Variants in MGRN1 observed in about 807,000 individuals in gnomAD.
MGRN1 encodes E3 ubiquitin-protein ligase MGRN1.
Under a neutral mutation model 69.2 loss-of-function variants are expected in MGRN1, and 29 were observed. The ratio of observed to expected loss-of-function variants is 0.42; its 90% CI spans 0.31 to 0.57. MGRN1 has a LOEUF of 0.57. Among genes scored for constraint, MGRN1 ranks in the 20% least tolerant of loss-of-function variants. The pLI is 0.15. For synonymous variants in MGRN1, 470 were observed against 344.2 expected, an observed-to-expected ratio of 1.37 and a Z score of -4.04; for missense variants, 998 against 796.2, an observed-to-expected ratio of 1.25 and a Z score of -3.05.
chr16:4,632,105 C>G (rs1331318535), intron 1 of MGRN1, among the ~76,000 whole-genome samples: 1 of 145,186 alleles, frequency 6.9e-6, no homozygotes, highest in Admixed American at 7.1e-5. Context: ...ACCTCTGCCT[C>G]GCAGGTTCAA....
rs752094551 is a variant in MGRN1 at position 4,677,535 on chromosome 16, C to G, written c.1028C>G (p.Pro343Arg). The G allele has an allele frequency of 6.3e-7, 1 of 1,599,790 alleles. No homozygotes were observed. The highest frequency in any genetic ancestry group is 1.1e-5 in the South Asian group (1 of 91,048). The change falls in exon 11 of 17, where the codon CCC (proline) becomes CGC (arginine). Residue 343 changes from proline (P) to arginine (R), a missense_variant. Physicochemically the swap from Pro to Arg is moderately radical, Grantham distance 103. Coordinates refer to ENST00000262370, the MANE Select transcript of MGRN1 (RefSeq NM_015246.4). ...PGALSPVSFS[P>R]VLAQSLEHDE... ...GCCCTGTCCCCCGTGTCCTTCAGCC[C>G]CGTCCTGGCCCAGAGCCTGGAGCAT...
rs115998853 is a variant in MGRN1, at chr16:4,664,864, A to C, written c.628+89A>C. 2,652 of 1,540,802 alleles carry C rather than the reference A, an allele frequency of 1.7e-3. 48 individuals are homozygous for C. The African/African-American group carries it at 0.031, about 18-fold the overall frequency. ...GGGAGGAGTGCTTGCAGCAGTGATG[A>C]AGCAGGCCAGGCATAGGGCCTTGGG... On this transcript the variant is annotated intron_variant, in intron 6 of 16. Coordinates refer to ENST00000262370, the MANE Select transcript of MGRN1 (RefSeq NM_015246.4).
rs61573996 is a variant in MGRN1, at chr16:4,657,186, A to C, written c.444-60A>C. The C allele has an allele frequency of 6.6e-3, 9,946 of 1,495,854 alleles. 519 individuals are homozygous for C. In the African/African-American group the frequency reaches 0.12, roughly 17 times the overall value. The allele number at this position is 1,495,854 out of a possible 1,614,324, so 92.7% of individuals were successfully genotyped here. ...CCTTCCAGCTGTCGGAGTGGGAGGG[A>C]CGGGCACGGAGGGCCCTCTTCCTGC... On this transcript the variant is annotated intron_variant, in intron 4 of 16. Coordinates refer to ENST00000262370, the MANE Select transcript of MGRN1 (RefSeq NM_015246.4).
intron 5 of MGRN1, among the ~76,000 whole-genome samples, 170 bp downstream of exon 5, chr16:4,657,533 A>T (rs1453714285): frequency 6.6e-6 from 1 of 152,170 alleles, no homozygotes; most frequent in Non-Finnish European, 1.5e-5. Context: ...GGCGGGAGCA[A>T]GGCCTGGGCC....
chr16:4,630,314 C>T (rs1260542279), intron 1 of MGRN1, among the ~76,000 whole-genome samples: 4 of 148,076 alleles, frequency 2.7e-5, no homozygotes, highest in Admixed American at 6.7e-5. Context: ...GAGATTATGC[C>T]ACTGCACTCC....
At chr16:4,644,557 A>ACC (rs1331960714) in intron 1 of MGRN1, among the ~76,000 whole-genome samples, 10 of 150,790 alleles carry the variant, frequency 6.6e-5, no homozygotes, top group Admixed American at 5.3e-4. Context: ...TGATCCACCC[A>ACC]CCTTGGCCTC....
At chr16:4,677,324 A>C in intron 10 of MGRN1, 139 bp from the exon 11 acceptor site, 2 of 481,402 alleles carry the variant, frequency 4.2e-6, no homozygotes, top group Non-Finnish European at 7.1e-6. Context: ...AAGAAAAAAA[A>C]AAGACCGTTG....
intron 11 of MGRN1, among the ~76,000 whole-genome samples, chr16:4,679,632 G>A (rs887152237): frequency 6.6e-6 from 1 of 152,206 alleles, no homozygotes; most frequent in African/African-American, 2.4e-5. Context: ...CGGTGCCTGG[G>A]CACCGGCTGG....
chr16:4,627,558 C>A (rs186525994), intron 1 of MGRN1, among the ~76,000 whole-genome samples: 1 of 152,130 alleles, frequency 6.6e-6, no homozygotes, highest in Non-Finnish European at 1.5e-5. Context: ...GAGGCCAAGG[C>A]GGGCGGATCA....
At chr16:4,688,631 G>C (rs1337758889) in intron 16 of MGRN1, 165 bp from the exon 17 acceptor site, 1 of 1,404,908 alleles carries the variant, frequency 7.1e-7, no homozygotes, top group Non-Finnish European at 9.3e-7. Context: ...GGGAGTCCCC[G>C]GGCCCTTGGT....
chr16:4,686,196 C>T (rs2079313670), intron 16 of MGRN1: 1 of 1,527,886 alleles, frequency 6.5e-7, no homozygotes. Flanking sequence ...CTTGCTGTGG[C>T]TGTGCTGGCT....
chr16:4,681,387 GCAGGGAGGGCATCGGTGCTGC>G (rs2079179140), intron 12 of MGRN1, 142 bp from the exon 13 acceptor site: 1 of 629,496 alleles, frequency 1.6e-6, no homozygotes, highest in Non-Finnish European at 2.7e-6. Flanking sequence ...GATGGCTGAG[GCAGGGAGGGCATCGGTGCTGC>G]CAGGGAGCTC....
intron 16 of MGRN1, among the ~76,000 whole-genome samples, chr16:4,684,560 G>A (rs2079264365): frequency 6.6e-6 from 1 of 152,248 alleles, no homozygotes; most frequent in Non-Finnish European, 1.5e-5. Context: ...GGCGCCAGGC[G>A]CCAGCGGGGA....
chr16:4,687,469 T>C, intron 16 of MGRN1: 1 of 956,672 alleles, frequency 1.0e-6, no homozygotes, highest in Non-Finnish European at 1.2e-6. Context: ...TTGCCGGAGC[T>C]GGGGAGGTCA....
intron 1 of MGRN1, among the ~76,000 whole-genome samples, chr16:4,645,243 G>C (rs2078250316): frequency 6.6e-6 from 1 of 152,064 alleles, no homozygotes; most frequent in African/African-American, 2.4e-5. Flanking sequence ...GCTTACTGCA[G>C]CCTCGAACTC....
At chr16:4,627,029 G>A (rs935973815) in intron 1 of MGRN1, among the ~76,000 whole-genome samples, 2 of 152,012 alleles carry the variant, frequency 1.3e-5, no homozygotes, top group Non-Finnish European at 1.5e-5. Flanking sequence ...CCTTTGTGCC[G>A]CACTGGTTTC....
intron 1 of MGRN1, among the ~76,000 whole-genome samples, chr16:4,628,455 C>A (rs1306362684): frequency 2.0e-5 from 3 of 152,016 alleles, no homozygotes; most frequent in Non-Finnish European, 4.4e-5. Flanking sequence ...GCAGTCATCA[C>A]CACAATTGCA....
chr16:4,640,921 C>T (rs1251683538), intron 1 of MGRN1, among the ~76,000 whole-genome samples: 6 of 152,220 alleles, frequency 3.9e-5, no homozygotes, highest in African/African-American at 1.4e-4. Context: ...AGCTTCGTTT[C>T]CTGTATGTTT....
At chr16:4,671,936 C>G (rs1050126511) in intron 9 of MGRN1, among the ~76,000 whole-genome samples, 9 of 152,212 alleles carry the variant, frequency 5.9e-5, no homozygotes, top group African/African-American at 2.2e-4. Flanking sequence ...GAGTCAGTCT[C>G]ACTCTGCTGC....
Sources: gnomAD v4.1 joint callset for allele counts (sites outside exome capture counted in the v4.1 genomes callset) on GRCh38, gnomAD v4.1.1 for gene constraint, MANE v1.5 for transcripts, NCBI Gene and HGNC (gene_info 2026-07-23, HGNC 2026-07-21) for gene names.